Variants in SLIT2 observed in about 807,000 individuals in gnomAD.
SLIT2 encodes slit guidance ligand 2, also known as slit homolog 2 protein.
SLIT2 carries 41 observed loss-of-function variants against 185.7 expected under a neutral mutation model. That is an observed-to-expected ratio of 0.22 (90% CI 0.17 to 0.29). SLIT2 has a LOEUF of 0.29. SLIT2 is among the 10% of genes least tolerant of loss of function. The pLI is 1.00. For synonymous variants in SLIT2, 693 were observed against 680.2 expected (o/e 1.02, Z -0.29); for missense variants, 1,571 against 1,909.0 (o/e 0.82, Z 3.30).
At chr4:20,454,148 CT>C (rs1386746554) in intron 4 of SLIT2, among the ~76,000 whole-genome samples, 3 of 152,224 alleles carry the variant, frequency 2.0e-5, no homozygotes, top group Non-Finnish European at 4.4e-5. Flanking sequence ...TCTCCCAAGG[CT>C]TCAAACCTCT....
chr4:20,287,975 A>G (rs953462846), intron 4 of SLIT2, among the ~76,000 whole-genome samples: 2 of 152,206 alleles, frequency 1.3e-5, no homozygotes, highest in African/African-American at 4.8e-5. Context: ...ATTGAAACAG[A>G]AAACTTGCTT....
intron 4 of SLIT2, among the ~76,000 whole-genome samples, chr4:20,380,147 C>T (rs1724373779): frequency 6.6e-6 from 1 of 152,084 alleles, no homozygotes. Flanking sequence ...GGACAAAACC[C>T]TTTTATGCAA....
intron 26 of SLIT2, among the ~76,000 whole-genome samples, chr4:20,561,416 T>C (rs1445792323): frequency 6.6e-6 from 1 of 151,802 alleles, no homozygotes; most frequent in African/African-American, 2.4e-5. Context: ...ATGTTTTCCA[T>C]TTTGGACGAG....
intron 5 of SLIT2, among the ~76,000 whole-genome samples, chr4:20,477,810 T>G (rs2148772767): frequency 6.6e-6 from 1 of 152,296 alleles, no homozygotes; most frequent in Non-Finnish European, 1.5e-5. Context: ...TTTGAAGAAG[T>G]GAAAAAGTCT....
intron 4 of SLIT2, among the ~76,000 whole-genome samples, chr4:20,318,067 G>T (rs781652943): frequency 6.6e-6 from 1 of 152,122 alleles, no homozygotes; most frequent in Admixed American, 6.5e-5. Flanking sequence ...TGTAGTGCTT[G>T]CCTTGTTCTT....
chr4:20,537,559 A>G (rs1722406983), intron 18 of SLIT2, among the ~76,000 whole-genome samples: 1 of 152,142 alleles, frequency 6.6e-6, no homozygotes, highest in Non-Finnish European at 1.5e-5. Flanking sequence ...AAAGTTATCT[A>G]AATTCCACTT....
intron 18 of SLIT2, among the ~76,000 whole-genome samples, chr4:20,535,684 T>G (rs1473643675): frequency 6.6e-6 from 1 of 152,146 alleles, no homozygotes; most frequent in Non-Finnish European, 1.5e-5. Flanking sequence ...GCTTCTGGGC[T>G]TGTAAACAGT....
chr4:20,368,219 C>CAAAAAAAAAAAAAAAAAAAAAAAAAGAA, intron 4 of SLIT2, among the ~76,000 whole-genome samples: 1 of 107,426 alleles, frequency 9.3e-6, no homozygotes, highest in Non-Finnish European at 1.9e-5. Context: ...CACAAAATAG[C>CAAAAAAAAAAAAAAAAAAAAAAAAAGAA]AAAAAAAAAA....
intron 11 of SLIT2, among the ~76,000 whole-genome samples, chr4:20,515,231 G>A (rs1164539297): frequency 6.6e-6 from 1 of 152,132 alleles, no homozygotes; most frequent in Non-Finnish European, 1.5e-5. Flanking sequence ...TTCCCTGCTG[G>A]CTTTGTTACG....
chr4:20,420,949 T>C (rs1728127944), intron 4 of SLIT2, among the ~76,000 whole-genome samples: 1 of 152,178 alleles, frequency 6.6e-6, no homozygotes, highest in Non-Finnish European at 1.5e-5. Context: ...CTTGGACTTC[T>C]TAGCCTCCAG....
At position 20,361,308 on chromosome 4, in the gene SLIT2, C is replaced by T. The variant is rs574553365; in HGVS notation, c.395+92427C>T. ...TTCTCTTGCTCTGCCTCGCATCCAT[C>T]CATCCACCCGTCCACCCATCTACCC... On this transcript the variant is annotated intron_variant, in intron 4 of 36. Transcript: ENST00000504154. Among the ~76,000 whole-genome samples the T allele has an allele frequency of 1.8e-3, 268 of 152,172 alleles. 1 individual carries two copies. The highest frequency in any genetic ancestry group is 0.017 in the South Asian group (83 of 4,818).
rs192157018 is a variant in SLIT2, at chr4:20,584,510, A to G, written c.3089-5134A>G. On this transcript the variant is annotated intron_variant, in intron 29 of 36. Coordinates refer to ENST00000504154, the MANE Select transcript of SLIT2 (RefSeq NM_004787.4). ...GTTGGGACAACGGGTATAAACCAGGACGGTTGTACAAGCAAGAATGAATGG... is the reference window on the plus strand; with the variant it reads ...GTTGGGACAACGGGTATAAACCAGGGCGGTTGTACAAGCAAGAATGAATGG... Among the ~76,000 whole-genome samples the G allele has an allele frequency of 6.6e-5, 10 of 152,362 alleles. No homozygotes were observed. The East Asian group carries it at 1.9e-3, about 29-fold the overall frequency.
In SLIT2 at chr4:20,528,930, TGG is replaced by T; in HGVS notation, c.1463-18_1463-17del. ...ACCTTTAGACTCAGTATCTTTTTTT[TGG>T]TTTGAATTCTCAATAGGTACAGAAG... On this transcript the variant is annotated splice_polypyrimidine_tract_variant and intron_variant, in intron 15 of 36. Transcript: ENST00000504154. The surrounding 1 kb of genome is among the most constrained non-coding windows in gnomAD (Gnocchi z 4.2). 2 of 1,589,992 alleles carry T rather than the reference TGG, an allele frequency of 1.3e-6. No individual in the cohort carries two copies. Among genetic ancestry groups the T allele is most frequent in the East Asian group, 2.2e-5 (1 of 44,650 alleles).
rs202224128 is a variant in SLIT2 at position 20,619,166 on chromosome 4, GAA to G, written c.*169_*170del. On this transcript the variant is annotated 3_prime_UTR_variant, in exon 37 of 37. Transcript: ENST00000504154. ...AATAAAGACTTTTTTTCTGCATTTGGAAAAAAAAAAAAAGAAATGCTTGAACT... is the reference window on the plus strand; with the variant it reads ...AATAAAGACTTTTTTTCTGCATTTGGAAAAAAAAAAAGAAATGCTTGAACT... The G allele has an allele frequency of 2.9e-3, 1,426 of 500,190 alleles. No individual in the cohort carries two copies. The highest frequency in any genetic ancestry group is 5.5e-3 in the South Asian group (108 of 19,804). 31.0% of individuals were successfully genotyped at this position (500,190 alleles called of 1,614,324 possible).
rs755945650 is a variant in SLIT2 at position 20,617,198 on chromosome 4, A to C, written c.4136A>C (p.Lys1379Thr). ...QRTNDPCLGNKCVHGTCLPIN... is the reference protein window; with the variant it reads ...QRTNDPCLGNTCVHGTCLPIN... ...ACCAATGACCCTTGCCTTGGAAATA[A>C]GTAAGTTCCTGCTGCTTGGGAGTTG... Residue 1379 changes from lysine to threonine, a missense_variant and splice_region_variant, in exon 35 of 37, where the codon AAA becomes ACA. Lys to Thr is a moderately conservative substitution (Grantham distance 78). Transcript: ENST00000504154. The C allele has an allele frequency of 6.5e-7, 1 of 1,539,498 alleles. No individual in the cohort carries two copies. Among genetic ancestry groups the C allele is most frequent in the Non-Finnish European group, 8.8e-7 (1 of 1,134,228 alleles).
Position 20,595,718 on chromosome 4 carries a change from C to T in SLIT2, c.3204C>T (p.Tyr1068=), listed in dbSNP as rs200463383. 1.0e-4 allele frequency: 168 copies of T among 1,613,962 alleles called. No homozygotes were observed. The highest frequency in any genetic ancestry group is 1.3e-4 in the Non-Finnish European group (149 of 1,179,978). ...ACAGATGTGACTGCACACCAGGGTA[C>T]GTAGGTGAACACTGCGACATCGATT... is the stretch of plus-strand genomic sequence containing the variant. ...KGFKCDCTPG[Y]VGEHCDIDFD... Residue 1068 remains tyrosine (Y), a synonymous_variant, in exon 31 of 37, where the codon TAC becomes TAT. Coordinates refer to ENST00000504154, the MANE Select transcript of SLIT2 (RefSeq NM_004787.4).
At chr4:20,414,953 A>C (rs1285320538) in intron 4 of SLIT2, among the ~76,000 whole-genome samples, 1 of 152,162 alleles carries the variant, frequency 6.6e-6, no homozygotes. Flanking sequence ...ATTTATTTAA[A>C]TATTTTTATT....
intron 4 of SLIT2, among the ~76,000 whole-genome samples, chr4:20,424,968 A>G (rs900801710): frequency 2.6e-5 from 4 of 152,110 alleles, no homozygotes; most frequent in African/African-American, 9.7e-5. Flanking sequence ...TTCTTTCTAA[A>G]TATTTCAGTT....
chr4:20,263,574 G>A (rs1274849521), intron 3 of SLIT2, among the ~76,000 whole-genome samples: 4 of 151,782 alleles, frequency 2.6e-5, no homozygotes, highest in Non-Finnish European at 5.9e-5. Flanking sequence ...GTTGATTGTG[G>A]TTTCTAACCA....
Sources: allele counts gnomAD v4.1 joint callset (sites outside exome capture counted in the v4.1 genomes callset), GRCh38; gene constraint gnomAD v4.1.1; non-coding constraint Gnocchi (gnomAD v3.1); transcripts MANE v1.5; gene names NCBI Gene and HGNC (gene_info 2026-07-23, HGNC 2026-07-21).